Variants in CDH13 observed in about 807,000 individuals in gnomAD.
CDH13 encodes the protein cadherin 13, also known as cadherin-13.
A neutral mutation model predicts 63.8 loss-of-function variants in CDH13; 24 were observed. The observed-to-expected ratio is 0.38, with a 90% CI of 0.27 to 0.53. The LOEUF (loss-of-function observed/expected upper bound fraction) is 0.53. Ranked by LOEUF, CDH13 falls within the 20% of genes least tolerant of loss-of-function variation. The probability of loss-of-function intolerance (pLI) is 0.85; values close to 1 mark genes in which losing one functional copy is unlikely to be tolerated. For missense variants in CDH13, 1,049 were observed against 903.1 expected, an observed-to-expected ratio of 1.16 and a Z score of -2.07; for synonymous variants, 503 against 355.3, an observed-to-expected ratio of 1.42 and a Z score of -4.67.
At chr16:83,499,519 G>A (rs1263879799) in intron 7 of CDH13, among the ~76,000 whole-genome samples, 1 of 152,180 alleles carries the variant, frequency 6.6e-6, no homozygotes, top group Non-Finnish European at 1.5e-5. Context: ...ATTATGATTT[G>A]CATGTCATAA....
intron 3 of CDH13, among the ~76,000 whole-genome samples, chr16:83,067,299 G>T (rs1373251825): frequency 6.6e-6 from 1 of 152,168 alleles, no homozygotes; most frequent in Non-Finnish European, 1.5e-5. Flanking sequence ...GGCACGGGCT[G>T]AGAACTGAGG....
chr16:82,842,139 CACATATATATATATATATATATAT>C (rs775021696), intron 1 of CDH13, among the ~76,000 whole-genome samples: 17,530 of 54,466 alleles, frequency 0.32, 2,267 homozygotes, highest in East Asian at 0.66. Flanking sequence ...TATATATATA[CACATATATATATATATATATATAT>C]ACACACACAC....
At chr16:83,288,277 T>C (rs2089374766) in intron 5 of CDH13, among the ~76,000 whole-genome samples, 1 of 152,300 alleles carries the variant, frequency 6.6e-6, no homozygotes, top group East Asian at 1.9e-4. Context: ...GTGTGAGCCA[T>C]TGTGTTGCAC....
intron 10 of CDH13, among the ~76,000 whole-genome samples, chr16:83,702,485 G>A (rs931891441): frequency 1.3e-5 from 2 of 152,112 alleles, no homozygotes; most frequent in Non-Finnish European, 2.9e-5. Context: ...AGCAAGGAGG[G>A]TCTTGCAGGG....
At chr16:82,744,039 T>C (rs779382937) in intron 1 of CDH13, among the ~76,000 whole-genome samples, 5 of 152,216 alleles carry the variant, frequency 3.3e-5, no homozygotes, top group Non-Finnish European at 7.3e-5. Context: ...AGCACAAAGT[T>C]TTCTCCAGCT....
rs149726308 is a variant in CDH13 at position 83,113,071 on chromosome 16, C to G, written c.367-12314C>G. Among the ~76,000 whole-genome samples, 34 of 152,262 alleles carry G rather than the reference C, an allele frequency of 2.2e-4. No homozygotes were observed. The East Asian group carries it at 6.0e-3, about 27-fold the overall frequency. ...CCAGATTGACCTCAGGCAGCTGATG[C>G]TATCGAAGGAAAAAGGGAGGACTTC... is the stretch of plus-strand genomic sequence containing the variant. On this transcript the variant is annotated intron_variant, in intron 3 of 13. Coordinates refer to ENST00000567109, the MANE Select transcript of CDH13 (RefSeq NM_001257.5).
Position 83,690,600 on chromosome 16 carries a change from CAG to C in CDH13, c.1538+12142_1538+12143del, listed in dbSNP as rs535893332. Among the ~76,000 whole-genome samples the C allele has an allele frequency of 1.2e-4, 18 of 152,228 alleles. No homozygotes were observed. The East Asian group carries it at 3.5e-3, about 29-fold the overall frequency. On this transcript the variant is annotated intron_variant, in intron 10 of 13. Transcript: ENST00000567109. ...AGGGGGCAATTAAGGGAAAGGGAGA[CAG>C]AGGCAGAGCAGAGGACTGGAGTGTA...
At chr16:82,654,013 T>C (rs1389190187) in intron 1 of CDH13, among the ~76,000 whole-genome samples, 1 of 152,184 alleles carries the variant, frequency 6.6e-6, no homozygotes, top group Non-Finnish European at 1.5e-5. Context: ...GCCCAGCTTC[T>C]GGTTGGAATC....
intron 1 of CDH13, among the ~76,000 whole-genome samples, chr16:82,775,291 G>A (rs534769351): frequency 3.4e-4 from 52 of 152,312 alleles, no homozygotes; most frequent in African/African-American, 1.2e-3. Context: ...AAAGTCAGCG[G>A]AGCCTCCTAA....
At position 83,336,521 on chromosome 16, in the gene CDH13, C is replaced by T. The variant is rs192716658; in HGVS notation, c.637-8341C>T. 2.2e-3 allele frequency among the ~76,000 whole-genome samples: 328 copies of T among 152,202 alleles called. 2 individuals carry two copies. The highest frequency in any genetic ancestry group is 4.5e-3 in the African/African-American group (185 of 41,528). On this transcript the variant is annotated intron_variant, in intron 5 of 13. Coordinates refer to ENST00000567109, the MANE Select transcript of CDH13 (RefSeq NM_001257.5). ...ATCTTATCTGTCTGCAAAATAGAAA[C>T]GGAGTCACATTGTGTTAGAGATGTA...
intron 6 of CDH13, among the ~76,000 whole-genome samples, chr16:83,407,652 T>A (rs1353409180): frequency 2.0e-5 from 3 of 151,998 alleles, no homozygotes; most frequent in Non-Finnish European, 4.4e-5. Context: ...TTCAGGGGAG[T>A]TTTATTTAAG....
intron 3 of CDH13, among the ~76,000 whole-genome samples, chr16:83,107,232 C>T (rs2034813211): frequency 6.6e-6 from 1 of 152,028 alleles, no homozygotes; most frequent in African/African-American, 2.4e-5. Flanking sequence ...GCTAAGAGTC[C>T]CGTTGAATTT....
intron 5 of CDH13, among the ~76,000 whole-genome samples, chr16:83,228,186 T>C (rs1301248127): frequency 6.6e-6 from 1 of 152,196 alleles, no homozygotes; most frequent in African/African-American, 2.4e-5. Context: ...CCCTAGCAGA[T>C]GCCTGGCAGT....
intron 1 of CDH13, among the ~76,000 whole-genome samples, chr16:82,804,929 A>G (rs1303022635): frequency 6.6e-6 from 1 of 152,200 alleles, no homozygotes. Flanking sequence ...TCATATTTTC[A>G]TCCCTATTTT....
rs570015620 is a variant in CDH13 at position 83,130,429 on chromosome 16, A to G, written c.483+4928A>G. Among the ~76,000 whole-genome samples, 30 of 152,342 alleles carry G rather than the reference A, an allele frequency of 2.0e-4. No homozygotes were observed. The South Asian group carries it at 6.2e-3, about 32-fold the overall frequency. Reference sequence around the variant, plus strand: ...TGAGAATACTCTTCCGTGGAATGAAATATCTTCACTGACAATTTCTCTTTT... The same window carrying G: ...TGAGAATACTCTTCCGTGGAATGAAGTATCTTCACTGACAATTTCTCTTTT... On this transcript the variant is annotated intron_variant, in intron 4 of 13. Coordinates refer to ENST00000567109, the MANE Select transcript of CDH13 (RefSeq NM_001257.5).
chr16:82,890,236 A>G (rs974524254), intron 2 of CDH13, among the ~76,000 whole-genome samples: 2 of 152,200 alleles, frequency 1.3e-5, no homozygotes, highest in Admixed American at 1.3e-4. Flanking sequence ...AGCCTGTCCC[A>G]AAAGAAATGC....
intron 1 of CDH13, among the ~76,000 whole-genome samples, chr16:82,686,314 C>T (rs996006596): frequency 1.4e-4 from 22 of 152,116 alleles, no homozygotes; most frequent in African/African-American, 5.3e-4. Context: ...TTCGTCTCCT[C>T]CTGGTTCTGC....
chr16:83,433,971 A>G lies in CDH13; in HGVS notation c.782-52506A>G, dbSNP rs2072207748. Among the ~76,000 whole-genome samples, 4 of 151,862 alleles carry G rather than the reference A, an allele frequency of 2.6e-5. No individual in the cohort carries two copies. In the South Asian group the frequency reaches 8.3e-4, roughly 32 times the overall value. On this transcript the variant is annotated intron_variant, in intron 6 of 13. Coordinates refer to ENST00000567109, the MANE Select transcript of CDH13 (RefSeq NM_001257.5). ...GGGGAATCAATCTTTTCTATTACTT[A>G]TTTTTCTTTCCTTTCTAGCAAGGTT...
intron 6 of CDH13, among the ~76,000 whole-genome samples, chr16:83,409,567 T>A (rs1417102234): frequency 1.3e-5 from 2 of 152,116 alleles, no homozygotes; most frequent in South Asian, 4.1e-4. Flanking sequence ...CTGGCTGGAG[T>A]TTCACCATCA....
Sources: allele counts gnomAD v4.1 joint callset (sites outside exome capture counted in the v4.1 genomes callset), GRCh38; gene constraint gnomAD v4.1.1; transcripts MANE v1.5; gene names NCBI Gene and HGNC (gene_info 2026-07-23, HGNC 2026-07-21).